The following GATB variants were observed in gnomAD, a reference collection of about 807,000 sequenced individuals.
GATB encodes the protein glutamyl-tRNA(Gln) amidotransferase subunit B, mitochondrial.
GATB carries 39 observed loss-of-function variants against 62.3 expected under a neutral mutation model. The observed-to-expected ratio is 0.63, with a 90% confidence interval of 0.48 to 0.82. The LOEUF (loss-of-function observed/expected upper bound fraction) is 0.82, where lower values mean the gene tolerates loss of function less well. GATB is among the 40% of genes least tolerant of loss of function. The pLI is 0.00. For missense variants in GATB, 670 were observed against 684.0 expected (o/e 0.98, Z 0.23); for synonymous variants, 276 against 258.9 (o/e 1.07, Z -0.63).
chr4:151,722,292 C>T, intron 2 of GATB: 1 of 688,600 alleles, frequency 1.5e-6, no homozygotes, highest in Non-Finnish European at 2.6e-6. Context: ...TCTGTCTCTG[C>T]CCTCAATGAA....
At chr4:151,672,153 A>G (rs1188920819) in intron 12 of GATB, among the ~76,000 whole-genome samples, 2 of 152,186 alleles carry the variant, frequency 1.3e-5, no homozygotes, top group South Asian at 2.1e-4. Flanking sequence ...CACTGAAAAA[A>G]TATCTCTAGA....
chr4:151,722,902 TACCTGCCACATGCTG>T (rs1325871254), intron 2 of GATB: 6 of 152,260 alleles, frequency 3.9e-5, no homozygotes, highest in Non-Finnish European at 7.3e-5. Flanking sequence ...TCTAAGGTGT[TACCTGCCACATGCTG>T]GCCTGCAAAC....
intron 4 of GATB, chr4:151,716,393 C>G (rs1016885128): frequency 6.9e-6 from 3 of 431,992 alleles, no homozygotes; most frequent in African/African-American, 6.1e-5. Context: ...AGTGATCCTC[C>G]CACCTCAGCC....
chr4:151,682,722 A>G (rs1267256364), intron 10 of GATB, among the ~76,000 whole-genome samples: 3 of 151,852 alleles, frequency 2.0e-5, no homozygotes, highest in Non-Finnish European at 2.9e-5. Flanking sequence ...GTCTGTCCCA[A>G]TCCCCCAGCT....
At position 151,758,776 on chromosome 4, in the gene GATB, A is replaced by AT; in HGVS notation, c.322_323insA (p.Leu108TyrfsTer30). On this transcript the variant is annotated frameshift_variant, in exon 2 of 13. Transcript: ENST00000263985. LOFTEE classifies it high-confidence loss of function. ...AGGATTAAATAAGAATCTTACCGGC[A>AT]AAGTTCCAGGTAGAGATGCATCAAA... 1 of 1,572,368 alleles carries AT rather than the reference A, an allele frequency of 6.4e-7. No individual in the cohort carries two copies. Among genetic ancestry groups the AT allele is most frequent in the South Asian group, 1.2e-5 (1 of 81,262 alleles).
At chr4:151,692,652 G>T (rs957391958) in intron 9 of GATB, among the ~76,000 whole-genome samples, 7 of 152,118 alleles carry the variant, frequency 4.6e-5, no homozygotes, top group Admixed American at 1.3e-4. Flanking sequence ...GGCGGCCAGA[G>T]CTCCTCTGCC....
chr4:151,757,731 C>A (rs1739864266), intron 2 of GATB, among the ~76,000 whole-genome samples: 1 of 152,082 alleles, frequency 6.6e-6, no homozygotes, highest in African/African-American at 2.4e-5. Flanking sequence ...CCCACCTTGG[C>A]CTTCCAAAGT....
At chr4:151,733,674 C>T (rs959643501) in intron 2 of GATB, among the ~76,000 whole-genome samples, 3 of 151,948 alleles carry the variant, frequency 2.0e-5, no homozygotes, top group African/African-American at 4.8e-5. Context: ...AATATATCCT[C>T]GATGAATGAT....
In GATB at chr4:151,671,110, AT is replaced by A. The variant is rs951371860; in HGVS notation, c.*63del. ...GCACATGGGCATCAGCTTTCACAGG[AT>A]CCTGTTCCCAGTCAGGCTGCACTGT... On this transcript the variant is annotated 3_prime_UTR_variant, in exon 13 of 13. Coordinates refer to ENST00000263985, the MANE Select transcript of GATB (RefSeq NM_004564.3). 1.0e-4 allele frequency: 165 copies of A among 1,593,346 alleles called. 1 individual carries two copies. The highest frequency in any genetic ancestry group is 1.4e-4 in the Non-Finnish European group (160 of 1,164,042).
At chr4:151,695,009 TG>T (rs966196088) in intron 9 of GATB, among the ~76,000 whole-genome samples, 14 of 152,278 alleles carry the variant, frequency 9.2e-5, no homozygotes, top group African/African-American at 3.1e-4. Context: ...AATGAAGTTG[TG>T]TAAGTAAGAT....
intron 2 of GATB, chr4:151,722,771 T>G (rs1739055947): frequency 6.5e-6 from 1 of 152,850 alleles, no homozygotes; most frequent in Non-Finnish European, 1.5e-5. Flanking sequence ...CTTGTATCCC[T>G]GGAGCCTAAT....
intron 2 of GATB, among the ~76,000 whole-genome samples, chr4:151,742,910 A>G (rs527255283): frequency 6.6e-6 from 1 of 152,370 alleles, no homozygotes; most frequent in African/African-American, 2.4e-5. Flanking sequence ...CTGAATACAG[A>G]CTATAAAATA....
rs1560847618 is a variant in GATB, at chr4:151,697,945, GTGTGTGTGTATA to G, written c.1197+3372_1197+3383del. On this transcript the variant is annotated intron_variant, in intron 9 of 12. Transcript: ENST00000263985. ...AAATCGATTTCATATATATGTGTGT[GTGTGTGTGTATA>G]TATATATATATATATATATATATAT... Among the ~76,000 whole-genome samples, 567 of 74,526 alleles carry G rather than the reference GTGTGTGTGTATA, an allele frequency of 7.6e-3. 10 individuals carry two copies. Among genetic ancestry groups the G allele is most frequent in the African/African-American group, 0.054 (523 of 9,702 alleles). The allele number at this position is 74,526 out of a possible 152,430, so 48.9% of individuals were successfully genotyped here.
rs767986897 is a variant in GATB at position 151,717,041 on chromosome 4, T to A, written c.475A>T (p.Ile159Phe). Residue 159 changes from isoleucine to phenylalanine, a missense_variant, in exon 4 of 13, where the codon ATT becomes TTT. Transcript: ENST00000263985. ...TATATCAAGCTCCCATTCACAGCAATTGGGAGCCTCTGCTGGGTAATTTGG... is the reference window on the plus strand; with the variant it reads ...TATATCAAGCTCCCATTCACAGCAAATGGGAGCCTCTGCTGGGTAATTTGG... ...GYQITQQRLP[I>F]AVNGSLIYGV... 3 of 1,614,134 alleles carry A rather than the reference T, an allele frequency of 1.9e-6. No individual in the cohort carries two copies. Among genetic ancestry groups the A allele is most frequent in the Non-Finnish European group, 2.5e-6 (3 of 1,180,028 alleles).
At chr4:151,726,980 G>A (rs887932540) in intron 2 of GATB, among the ~76,000 whole-genome samples, 1 of 152,106 alleles carries the variant, frequency 6.6e-6, no homozygotes, top group Non-Finnish European at 1.5e-5. Flanking sequence ...GCAGTGGCCC[G>A]ATCACAGCTC....
chr4:151,715,066 T>C (rs1738888175), intron 5 of GATB, among the ~76,000 whole-genome samples: 1 of 152,234 alleles, frequency 6.6e-6, no homozygotes, highest in Admixed American at 6.5e-5. Context: ...GAAGTCCCCC[T>C]GTAACATGCA....
chr4:151,755,124 T>C (rs192249518), intron 2 of GATB, among the ~76,000 whole-genome samples: 14 of 152,354 alleles, frequency 9.2e-5, no homozygotes, highest in African/African-American at 3.4e-4. Flanking sequence ...ACTTACTACA[T>C]GCAATTACTG....
intron 5 of GATB, among the ~76,000 whole-genome samples, chr4:151,710,476 G>C (rs902466014): frequency 1.3e-5 from 2 of 152,098 alleles, no homozygotes; most frequent in African/African-American, 4.8e-5. Context: ...TGCATACACT[G>C]TCTCCGCTGT....
intron 2 of GATB, among the ~76,000 whole-genome samples, chr4:151,745,464 C>G (rs1739575841): frequency 6.6e-6 from 1 of 152,206 alleles, no homozygotes; most frequent in Non-Finnish European, 1.5e-5. Context: ...GCAGATTTAC[C>G]TAGCTTGAAC....
Sources: gnomAD v4.1 joint callset for allele counts (sites outside exome capture counted in the v4.1 genomes callset) on GRCh38, gnomAD v4.1.1 for gene constraint, MANE v1.5 for transcripts, NCBI Gene and HGNC (gene_info 2026-07-23, HGNC 2026-07-21) for gene names.